Variants in PLCE1 observed in about 807,000 individuals in gnomAD.
The protein encoded by PLCE1 is 1-phosphatidylinositol 4,5-bisphosphate phosphodiesterase epsilon-1.
PLCE1 carries 119 observed loss-of-function variants against 242.8 expected under a neutral mutation model. The observed-to-expected ratio is 0.49, with a 90% CI of 0.42 to 0.57. The LOEUF (loss-of-function observed/expected upper bound fraction) is 0.57, where lower values mean the gene tolerates loss of function less well. Among genes scored for constraint, PLCE1 ranks in the 20% least tolerant of loss-of-function variants. The probability of loss-of-function intolerance (pLI) is 0.00; values close to 1 mark genes in which losing one functional copy is unlikely to be tolerated. For missense variants in PLCE1, 2,441 were observed against 2,788.8 expected, an observed-to-expected ratio of 0.88 and a Z score of 2.81; for synonymous variants, 945 against 1,017.4, an observed-to-expected ratio of 0.93 and a Z score of 1.35.
intron 2 of PLCE1, among the ~76,000 whole-genome samples, chr10:94,033,886 G>C (rs1415773100): frequency 6.6e-6 from 1 of 152,070 alleles, no homozygotes; most frequent in African/African-American, 2.4e-5. Flanking sequence ...TGAAATATAA[G>C]TGCTATATTT....
intron 22 of PLCE1, among the ~76,000 whole-genome samples, chr10:94,290,179 AC>A (rs1200758127): frequency 2.0e-5 from 3 of 150,184 alleles, no homozygotes; most frequent in African/African-American, 7.3e-5. Context: ...GGCATGTGCC[AC>A]CAATACCTGG....
chr10:94,182,094 GT>G (rs550150974), intron 4 of PLCE1, among the ~76,000 whole-genome samples: 1,360 of 131,282 alleles, frequency 0.01, 10 homozygotes, highest in Non-Finnish European at 0.014. Context: ...TTTTCTTTCT[GT>G]TTTTTTTTTT....
chr10:94,326,298 T>C (rs920443799), intron 32 of PLCE1, among the ~76,000 whole-genome samples: 2 of 152,208 alleles, frequency 1.3e-5, no homozygotes, highest in Admixed American at 6.5e-5. Context: ...AACTCAGTGA[T>C]GCCTCTTCCC....
chr10:94,127,288 TG>T (rs1376711791), intron 2 of PLCE1, among the ~76,000 whole-genome samples: 1 of 152,204 alleles, frequency 6.6e-6, no homozygotes, highest in African/African-American at 2.4e-5. Flanking sequence ...TGATCTCTGC[TG>T]GGCCCTCTCA....
At chr10:94,254,023 A>C (rs1414064469) in intron 9 of PLCE1, among the ~76,000 whole-genome samples, 167 bp from the exon 10 acceptor site, 1 of 152,200 alleles carries the variant, frequency 6.6e-6, no homozygotes, top group Non-Finnish European at 1.5e-5. Context: ...AACTGAAATA[A>C]TATGACATGA....
intron 4 of PLCE1, among the ~76,000 whole-genome samples, chr10:94,197,982 C>CAAAAAAAAAA (rs3053181): frequency 8.6e-5 from 5 of 58,354 alleles, no homozygotes; most frequent in African/African-American, 6.7e-5. Context: ...GACTCTGTCT[C>CAAAAAAAAAA]AAAAAAAAAA....
Position 94,171,445 on chromosome 10 carries a change from T to C in PLCE1, c.1758T>C (p.Thr586=), listed in dbSNP as rs2047974538. 1 of 1,614,018 alleles carries C rather than the reference T, an allele frequency of 6.2e-7. No homozygotes were observed. The highest frequency in any genetic ancestry group is 1.3e-5 in the African/African-American group (1 of 74,924). Residue 586 remains threonine (T), a synonymous_variant, in exon 4 of 33, where the codon ACT becomes ACC. Coordinates refer to ENST00000371380, the MANE Select transcript of PLCE1 (RefSeq NM_016341.4). ...CCATCTCAGCGTCGATTCTTACCAC[T>C]CAGAATGGAGAGCACAATGCCCTTG... is the stretch of plus-strand genomic sequence containing the variant. ...KASISASILT[T]QNGEHNALED... is the part of the protein sequence containing the mutation.
chr10:94,042,354 T>A (rs2061785791), intron 2 of PLCE1, among the ~76,000 whole-genome samples: 1 of 152,210 alleles, frequency 6.6e-6, no homozygotes. Flanking sequence ...TTATCTTTTC[T>A]TTCCTTTCAT....
chr10:94,263,513 C>CAAAAAA (rs780289280), intron 14 of PLCE1, among the ~76,000 whole-genome samples: 5 of 76,844 alleles, frequency 6.5e-5, no homozygotes, highest in Non-Finnish European at 8.1e-5. Context: ...GACCCCATCT[C>CAAAAAA]AAAAAAAAAA....
intron 3 of PLCE1, among the ~76,000 whole-genome samples, chr10:94,147,694 AC>A (rs2047158459): frequency 1.3e-5 from 2 of 152,268 alleles, no homozygotes; most frequent in East Asian, 3.9e-4. Flanking sequence ...GAGATGGGAA[AC>A]CAAAGCACAG....
chr10:94,248,111 G>A (rs1024635754), intron 8 of PLCE1, among the ~76,000 whole-genome samples: 9 of 151,540 alleles, frequency 5.9e-5, no homozygotes, highest in Admixed American at 1.3e-4. Context: ...AACATTTCTC[G>A]CCCCAGGAAG....
chr10:94,174,406 C>T (rs1480260541), intron 4 of PLCE1, among the ~76,000 whole-genome samples: 1 of 152,056 alleles, frequency 6.6e-6, no homozygotes, highest in Non-Finnish European at 1.5e-5. Context: ...CAGGCAAGAA[C>T]TACTGATGAA....
chr10:94,315,132 T>C (rs2053522709), intron 28 of PLCE1: 1 of 276,752 alleles, frequency 3.6e-6, no homozygotes, highest in African/African-American at 2.2e-5. Context: ...TCCTGAATTA[T>C]CCCTATAGTA....
At chr10:94,109,987 T>A (rs1182405226) in intron 2 of PLCE1, among the ~76,000 whole-genome samples, 1 of 151,370 alleles carries the variant, frequency 6.6e-6, no homozygotes, top group Non-Finnish European at 1.5e-5. Flanking sequence ...GATGTTAGAA[T>A]CCTTTGGCAA....
intron 22 of PLCE1, among the ~76,000 whole-genome samples, chr10:94,290,415 T>A (rs1321122640): frequency 6.6e-6 from 1 of 151,198 alleles, no homozygotes; most frequent in African/African-American, 2.4e-5. Flanking sequence ...CTATTTTTAA[T>A]TTTTTTTACT....
chr10:94,327,738 A>C (rs2054082387), intron 32 of PLCE1, among the ~76,000 whole-genome samples: 1 of 152,200 alleles, frequency 6.6e-6, no homozygotes, highest in African/African-American at 2.4e-5. Flanking sequence ...TTTTTAAAAA[A>C]ACAAACTTTC....
chr10:94,047,224 G>T (rs4918043), intron 2 of PLCE1, among the ~76,000 whole-genome samples: 51,272 of 151,868 alleles, frequency 0.34, 9,650 homozygotes, highest in African/African-American at 0.52. Flanking sequence ...GCTATAAAAC[G>T]TGGTATACTG....
intron 27 of PLCE1, among the ~76,000 whole-genome samples, chr10:94,311,544 C>T (rs2053387082): frequency 6.6e-6 from 1 of 152,226 alleles, no homozygotes; most frequent in African/African-American, 2.4e-5. Context: ...GAGCATCACT[C>T]TCCATTGCTG....
chr10:94,123,068 G>T (rs2046342933), intron 2 of PLCE1, among the ~76,000 whole-genome samples: 1 of 152,222 alleles, frequency 6.6e-6, no homozygotes, highest in Admixed American at 6.5e-5. Context: ...TGGGGAAATA[G>T]TAGGAGAGTA....
Sources: gnomAD v4.1 joint callset for allele counts (sites outside exome capture counted in the v4.1 genomes callset) on GRCh38, gnomAD v4.1.1 for gene constraint, MANE v1.5 for transcripts, NCBI Gene and HGNC (gene_info 2026-07-23, HGNC 2026-07-21) for gene names.